HEPHL1: variants seen among roughly 807,000 people sequenced by gnomAD.
HEPHL1 encodes ferroxidase HEPHL1.
A neutral mutation model predicts 122.0 loss-of-function variants in HEPHL1; 123 were observed. The observed-to-expected ratio is 1.01, with a 90% CI of 0.87 to 1.17. The LOEUF (loss-of-function observed/expected upper bound fraction) is 1.17, where lower values mean the gene tolerates loss of function less well. Among genes scored for constraint, HEPHL1 ranks in the 50% most tolerant of loss-of-function variants. The pLI, the probability that HEPHL1 is intolerant of heterozygous loss-of-function variation, is 0.00. For synonymous variants in HEPHL1, 527 were observed against 508.9 expected (o/e 1.04, Z -0.48); for missense variants, 1,452 against 1,430.5 (o/e 1.01, Z -0.24).
intron 2 of HEPHL1, among the ~76,000 whole-genome samples, chr11:94,057,238 C>T (rs1336129897): frequency 2.0e-5 from 3 of 151,958 alleles, no homozygotes; most frequent in Non-Finnish European, 2.9e-5. Flanking sequence ...TATTTGTGGA[C>T]CTCTTTGTAT....
At chr11:94,051,556 T>A (rs1389516673) in intron 2 of HEPHL1, among the ~76,000 whole-genome samples, 1 of 152,146 alleles carries the variant, frequency 6.6e-6, no homozygotes, top group African/African-American at 2.4e-5. Context: ...CCCAGATAGG[T>A]AGTTTGCAAA....
chr11:94,023,270 C>T (rs1277851443), intron 1 of HEPHL1, among the ~76,000 whole-genome samples: 1 of 152,092 alleles, frequency 6.6e-6, no homozygotes, highest in East Asian at 1.9e-4. Context: ...TTGAGGGAAG[C>T]CAAGGATCAC....
Position 94,063,489 on chromosome 11 carries a change from T to G in HEPHL1, c.416-19T>G. ...TTTAACTATGTTTTACCTTTTTTTT[T>G]AATTTTATTTTTTGGAAGGAGCCCT... is the stretch of plus-strand genomic sequence containing the variant. On this transcript the variant is annotated intron_variant, in intron 2 of 19. Coordinates refer to ENST00000315765, the MANE Select transcript of HEPHL1 (RefSeq NM_001098672.2). 1.3e-6 allele frequency: 2 copies of G among 1,542,476 alleles called. No homozygotes were observed. Among genetic ancestry groups the G allele is most frequent in the Non-Finnish European group, 1.8e-6 (2 of 1,137,012 alleles).
At chr11:94,107,994 G>A (rs1946421959) in intron 17 of HEPHL1, among the ~76,000 whole-genome samples, 1 of 152,154 alleles carries the variant, frequency 6.6e-6, no homozygotes, top group South Asian at 2.1e-4. Context: ...GTATCATTTT[G>A]CATTTCCAAG....
intron 12 of HEPHL1, among the ~76,000 whole-genome samples, chr11:94,090,970 GA>G (rs1225322898): frequency 6.6e-6 from 1 of 152,198 alleles, no homozygotes; most frequent in Non-Finnish European, 1.5e-5. Flanking sequence ...ATGTCCAGGG[GA>G]AGTTTATGCA....
In HEPHL1 at chr11:94,111,676, T is replaced by A. The variant is rs1483894683; in HGVS notation, c.3278-16T>A. ...TCAAAAATGTCAGGGGCCTGACAAG[T>A]TTATCTTTTTCACAGAACGACCTGG... is the stretch of plus-strand genomic sequence containing the variant. On this transcript the variant is annotated splice_polypyrimidine_tract_variant and intron_variant, in intron 19 of 19. Coordinates refer to ENST00000315765, the MANE Select transcript of HEPHL1 (RefSeq NM_001098672.2). The A allele has an allele frequency of 6.2e-7, 1 of 1,612,836 alleles. No homozygotes were observed. Among genetic ancestry groups the A allele is most frequent in the Admixed American group, 1.7e-5 (1 of 59,896 alleles).
chr11:94,073,216 G>C lies in HEPHL1; in HGVS notation c.1372+52G>C, dbSNP rs1946092121. 9 of 1,608,962 alleles carry C rather than the reference G, an allele frequency of 5.6e-6. No individual in the cohort carries two copies. The East Asian group carries it at 2.0e-4, about 36-fold the overall frequency. ...TGAACCCAGGGAGATGTTTTAGCTG[G>C]GCATGTACATCTGCACAGAATGACT... is the stretch of plus-strand genomic sequence containing the variant. On this transcript the variant is annotated intron_variant, in intron 7 of 19. Transcript: ENST00000315765.
chr11:94,081,424 A>G (rs1210889049), intron 9 of HEPHL1, among the ~76,000 whole-genome samples: 1 of 152,232 alleles, frequency 6.6e-6, no homozygotes, highest in Non-Finnish European at 1.5e-5. Flanking sequence ...AAATCTGCGC[A>G]GACTGCACCT....
At chr11:94,069,617 G>A (rs555602142) in intron 5 of HEPHL1, among the ~76,000 whole-genome samples, 15 of 152,040 alleles carry the variant, frequency 9.9e-5, no homozygotes, top group East Asian at 1.9e-4. Flanking sequence ...TTTTCATGTC[G>A]GTGAATATAG....
intron 1 of HEPHL1, among the ~76,000 whole-genome samples, chr11:94,039,379 C>T (rs1945754143): frequency 1.3e-5 from 2 of 152,184 alleles, no homozygotes; most frequent in Admixed American, 1.3e-4. Context: ...ATCTAATTGA[C>T]ATCTACAGAA....
chr11:94,034,634 C>A (rs570617312), intron 1 of HEPHL1, among the ~76,000 whole-genome samples: 4 of 152,232 alleles, frequency 2.6e-5, no homozygotes, highest in Admixed American at 2.0e-4. Flanking sequence ...TGCCCCTTGT[C>A]AGAAAGAAGG....
intron 1 of HEPHL1, among the ~76,000 whole-genome samples, chr11:94,023,803 C>G (rs1055933745): frequency 3.9e-5 from 6 of 152,136 alleles, no homozygotes; most frequent in Non-Finnish European, 1.5e-5. Flanking sequence ...ATGCAGTGGA[C>G]GTTGGCTTTT....
At position 94,034,698 on chromosome 11, in the gene HEPHL1, C is replaced by T. The variant is rs1211980197; in HGVS notation, c.171-10975C>T. 2.0e-5 allele frequency among the ~76,000 whole-genome samples: 3 copies of T among 152,080 alleles called. No individual in the cohort carries two copies. In the South Asian group the frequency reaches 6.2e-4, roughly 32 times the overall value. ...AGTAAAGAAAGATAATAAAACTTCACAAAGAAAGTCCCAGACTAGACAGGC... is the reference window on the plus strand; with the variant it reads ...AGTAAAGAAAGATAATAAAACTTCATAAAGAAAGTCCCAGACTAGACAGGC... On this transcript the variant is annotated intron_variant, in intron 1 of 19. Transcript: ENST00000315765.
intron 1 of HEPHL1, among the ~76,000 whole-genome samples, chr11:94,044,646 A>C (rs999397923): frequency 1.3e-5 from 2 of 151,952 alleles, no homozygotes; most frequent in African/African-American, 4.8e-5. Context: ...CTCACTGTAC[A>C]TCAGTTGTCC....
At chr11:94,070,611 C>T in intron 6 of HEPHL1, 69 bp downstream of exon 6, 2 of 1,286,786 alleles carry the variant, frequency 1.6e-6, no homozygotes, top group Non-Finnish European at 1.1e-6. Flanking sequence ...TCTCTGTGAT[C>T]TAATTTGTAT....
intron 13 of HEPHL1, among the ~76,000 whole-genome samples, chr11:94,096,751 G>T (rs1466576371): frequency 6.6e-6 from 1 of 152,152 alleles, no homozygotes; most frequent in African/African-American, 2.4e-5. Context: ...TCTTGGGAGG[G>T]TGTATGTGTC....
intron 13 of HEPHL1, among the ~76,000 whole-genome samples, chr11:94,098,692 C>A (rs965922242): frequency 5.9e-5 from 9 of 152,226 alleles, no homozygotes; most frequent in Non-Finnish European, 1.3e-4. Context: ...TCCTATATTT[C>A]TTGGAGGCTT....
chr11:94,102,765 A>G (rs1258586636), intron 14 of HEPHL1, 149 bp from the exon 15 acceptor site: 2 of 558,138 alleles, frequency 3.6e-6, no homozygotes, highest in East Asian at 6.0e-5. Flanking sequence ...TCAAGATGGG[A>G]GTTTAATAAG....
chr11:94,096,325 T>C (rs1238100857), intron 13 of HEPHL1, among the ~76,000 whole-genome samples: 1 of 152,242 alleles, frequency 6.6e-6, no homozygotes, highest in African/African-American at 2.4e-5. Flanking sequence ...ATTACGTTTA[T>C]TGATTTGCAT....
Sources: gnomAD v4.1 joint callset for allele counts (sites outside exome capture counted in the v4.1 genomes callset) on GRCh38, gnomAD v4.1.1 for gene constraint, MANE v1.5 for transcripts, NCBI Gene and HGNC (gene_info 2026-07-23, HGNC 2026-07-21) for gene names.